Variants in RFX7 observed in about 807,000 individuals in gnomAD.
The protein encoded by RFX7 is DNA-binding protein RFX7.
RFX7 carries 26 observed loss-of-function variants against 111.8 expected under a neutral mutation model. The observed-to-expected ratio is 0.23, with a 90% CI of 0.17 to 0.32. The LOEUF is 0.32. Among genes scored for constraint, RFX7 ranks in the 10% least tolerant of loss-of-function variants. The pLI is 1.00. For missense variants in RFX7, 1,573 were observed against 1,772.9 expected (o/e 0.89, Z 2.02); for synonymous variants, 624 against 624.4 (o/e 1.00, Z 0.01).
At chr15:56,119,004 A>G (rs534660301) in intron 5 of RFX7, among the ~76,000 whole-genome samples, 5 of 152,290 alleles carry the variant, frequency 3.3e-5, no homozygotes, top group African/African-American at 7.2e-5. Flanking sequence ...AGAAATGTCT[A>G]TATAGGTCTT....
At chr15:56,119,234 G>C (rs1318024286) in intron 5 of RFX7, among the ~76,000 whole-genome samples, 1 of 152,160 alleles carries the variant, frequency 6.6e-6, no homozygotes, top group Non-Finnish European at 1.5e-5. Flanking sequence ...GCCTGTGCTT[G>C]TAGGGTATTG....
rs185535176 is a variant in RFX7, at chr15:56,095,859, A to C, written c.1869T>G (p.Thr623=). ...TSTGNNQSTI[T]LSVASQNLTF... ...TTAAGTTCTGAGAAGCAACTGATAGAGTGATAGTGCTTTGATTATTGCCTG... is the reference window on the plus strand; with the variant it reads ...TTAAGTTCTGAGAAGCAACTGATAGCGTGATAGTGCTTTGATTATTGCCTG... The change falls in exon 10 of 10, where the codon ACT becomes ACG. Residue 623 remains threonine (T), a synonymous_variant. Transcript: ENST00000559447. The C allele has an allele frequency of 6.2e-7, 1 of 1,606,950 alleles. No individual in the cohort carries two copies. The highest frequency in any genetic ancestry group is 1.3e-5 in the African/African-American group (1 of 75,020).
At chr15:56,186,281 G>C (rs956536430) in intron 2 of RFX7, among the ~76,000 whole-genome samples, 8 of 152,170 alleles carry the variant, frequency 5.3e-5, no homozygotes, top group Admixed American at 1.3e-4. Context: ...TGAGGGCACA[G>C]AGTATGTGGC....
intron 2 of RFX7, among the ~76,000 whole-genome samples, chr15:56,222,611 G>C (rs2043439198): frequency 6.6e-6 from 1 of 152,060 alleles, no homozygotes; most frequent in East Asian, 1.9e-4. Context: ...CATATTCAGT[G>C]AATTTTTCAT....
intron 2 of RFX7, among the ~76,000 whole-genome samples, chr15:56,180,750 C>CAAAAAAAAAAA (rs869160446): frequency 1.5e-5 from 1 of 65,590 alleles, no homozygotes; most frequent in African/African-American, 6.0e-5. Context: ...TACTAAAATA[C>CAAAAAAAAAAA]AAAAAAAAAA....
chr15:56,131,987 T>G (rs2140993188), intron 5 of RFX7, among the ~76,000 whole-genome samples: 1 of 152,252 alleles, frequency 6.6e-6, no homozygotes, highest in Middle Eastern at 3.4e-3. Flanking sequence ...ATTCATTTTT[T>G]CATATTATTC....
intron 5 of RFX7, among the ~76,000 whole-genome samples, chr15:56,121,021 ACAC>A (rs1263022730): frequency 1.3e-5 from 2 of 152,170 alleles, no homozygotes; most frequent in Non-Finnish European, 2.9e-5. Flanking sequence ...AGTAGTTTAC[ACAC>A]CACAATTACA....
At chr15:56,139,334 TAA>T (rs1351153487) in intron 5 of RFX7, among the ~76,000 whole-genome samples, 1 of 152,136 alleles carries the variant, frequency 6.6e-6, no homozygotes, top group Non-Finnish European at 1.5e-5. Flanking sequence ...CTTTTTTCTC[TAA>T]AATTCCCTTC....
intron 2 of RFX7, among the ~76,000 whole-genome samples, chr15:56,191,280 T>C (rs2043098303): frequency 6.6e-6 from 1 of 152,144 alleles, no homozygotes. Flanking sequence ...AAATTAAATA[T>C]ATGAAAATTC....
chr15:56,140,197 G>A (rs1410859944), intron 5 of RFX7, among the ~76,000 whole-genome samples: 4 of 152,306 alleles, frequency 2.6e-5, no homozygotes, highest in Admixed American at 6.5e-5. Flanking sequence ...GGGCTATGGC[G>A]GGCGCCCCTC....
At chr15:56,171,160 T>C (rs2042841269) in intron 3 of RFX7, among the ~76,000 whole-genome samples, 1 of 152,176 alleles carries the variant, frequency 6.6e-6, no homozygotes, top group Non-Finnish European at 1.5e-5. Flanking sequence ...TCAGAACTGA[T>C]AGGATCTGGT....
chr15:56,159,521 C>T (rs1405983515), intron 3 of RFX7, among the ~76,000 whole-genome samples: 9 of 152,076 alleles, frequency 5.9e-5, no homozygotes, highest in Non-Finnish European at 4.4e-5. Context: ...AAGCTATCGA[C>T]ATATAATTGA....
intron 3 of RFX7, among the ~76,000 whole-genome samples, chr15:56,175,770 T>C (rs1390156980): frequency 6.6e-6 from 1 of 152,092 alleles, no homozygotes; most frequent in Non-Finnish European, 1.5e-5. Flanking sequence ...ATAAAACTTC[T>C]AGAAGAAAAC....
At chr15:56,110,124 A>G (rs866622921) in intron 5 of RFX7, among the ~76,000 whole-genome samples, 2 of 74,552 alleles carry the variant, frequency 2.7e-5, no homozygotes, top group African/African-American at 5.8e-5. Flanking sequence ...CCAGCCGCCC[A>G]GTCCGGGAGG....
chr15:56,129,109 C>T (rs2042180515), intron 5 of RFX7, among the ~76,000 whole-genome samples: 1 of 152,130 alleles, frequency 6.6e-6, no homozygotes, highest in African/African-American at 2.4e-5. Context: ...GGCACAATGG[C>T]TCACGCCTGT....
At chr15:56,163,428 T>C (rs2042747734) in intron 3 of RFX7, among the ~76,000 whole-genome samples, 1 of 152,146 alleles carries the variant, frequency 6.6e-6, no homozygotes, top group Non-Finnish European at 1.5e-5. Context: ...CACTAAACCA[T>C]GGGACAGACT....
chr15:56,230,067 G>C (rs1408116433), intron 2 of RFX7, among the ~76,000 whole-genome samples: 2 of 151,454 alleles, frequency 1.3e-5, no homozygotes, highest in Non-Finnish European at 2.9e-5. Context: ...CTTGGGTCTT[G>C]TCTCCTAAAA....
chr15:56,228,952 T>C (rs1179243495), intron 2 of RFX7, among the ~76,000 whole-genome samples: 2 of 152,088 alleles, frequency 1.3e-5, no homozygotes, highest in East Asian at 1.9e-4. Flanking sequence ...ATAGAATAAA[T>C]AGTAAAATAA....
chr15:56,228,445 C>T (rs1463831978), intron 2 of RFX7, among the ~76,000 whole-genome samples: 2 of 151,814 alleles, frequency 1.3e-5, no homozygotes, highest in Non-Finnish European at 2.9e-5. Flanking sequence ...AAGCAGCAAA[C>T]CAAGCATCAG....
Sources: allele counts gnomAD v4.1 joint callset (sites outside exome capture counted in the v4.1 genomes callset), GRCh38; gene constraint gnomAD v4.1.1; transcripts MANE v1.5; gene names NCBI Gene and HGNC (gene_info 2026-07-23, HGNC 2026-07-21).